Variants in ZNF407 observed in about 807,000 individuals in gnomAD.
The protein encoded by ZNF407 is zinc finger protein 407.
ZNF407 carries 17 observed loss-of-function variants against 131.2 expected under a neutral mutation model. That is an observed-to-expected ratio of 0.13 (90% CI 0.09 to 0.19). ZNF407 has a LOEUF of 0.19. Ranked by LOEUF, ZNF407 falls within the 10% of genes least tolerant of loss-of-function variation. The pLI is 1.00. For missense variants in ZNF407, 2,681 were observed against 2,830.6 expected (o/e 0.95, Z 1.20); for synonymous variants, 1,156 against 1,062.0 (o/e 1.09, Z -1.72).
Position 74,839,961 on chromosome 18 carries a change from T to C in ZNF407, c.4878-37236T>C, listed in dbSNP as rs1599188624. Among the ~76,000 whole-genome samples, 3 of 152,146 alleles carry C rather than the reference T, an allele frequency of 2.0e-5. No homozygotes were observed. The East Asian group carries it at 5.8e-4, about 29-fold the overall frequency. On this transcript the variant is annotated intron_variant, in intron 4 of 8. Transcript: ENST00000299687. ...GGAAGCAAGTGAAGAATTTCTTCTTTTTCAAATTGAGTTTTGTGGGGAAAT... is the reference window on the plus strand; with the variant it reads ...GGAAGCAAGTGAAGAATTTCTTCTTCTTCAAATTGAGTTTTGTGGGGAAAT...
chr18:74,626,752 A>G (rs1021760945), intron 1 of ZNF407, among the ~76,000 whole-genome samples: 12 of 152,230 alleles, frequency 7.9e-5, no homozygotes, highest in Admixed American at 3.3e-4. Context: ...GGCTGAGCCC[A>G]GGAGGCCAGA....
At chr18:75,034,852 CAT>C (rs1973289174) in intron 8 of ZNF407, among the ~76,000 whole-genome samples, 4 of 152,124 alleles carry the variant, frequency 2.6e-5, no homozygotes, top group Admixed American at 2.6e-4. Context: ...ACTAAGTTGA[CAT>C]GTGGGAGGTT....
At chr18:74,885,734 T>A (rs766444698) in intron 6 of ZNF407, among the ~76,000 whole-genome samples, 4 of 152,202 alleles carry the variant, frequency 2.6e-5, no homozygotes, top group Non-Finnish European at 4.4e-5. Context: ...CTTTTCAACA[T>A]TCTATGTTGG....
intron 3 of ZNF407, among the ~76,000 whole-genome samples, chr18:74,761,405 C>T (rs960621257): frequency 1.4e-4 from 22 of 151,882 alleles, no homozygotes; most frequent in Non-Finnish European, 2.8e-4. Flanking sequence ...CTTATATTAG[C>T]CCTTTTCTAT....
chr18:74,716,633 A>T (rs1967899855), intron 3 of ZNF407, among the ~76,000 whole-genome samples: 1 of 152,210 alleles, frequency 6.6e-6, no homozygotes, highest in South Asian at 2.1e-4. Flanking sequence ...TGAAACTGAA[A>T]ACCTGCTTGG....
intron 7 of ZNF407, among the ~76,000 whole-genome samples, chr18:74,892,051 A>G (rs940378756): frequency 6.6e-6 from 1 of 152,206 alleles, no homozygotes; most frequent in African/African-American, 2.4e-5. Context: ...AAAATTCCAC[A>G]AATAAAACAG....
At chr18:74,944,824 C>G (rs1315545174) in intron 8 of ZNF407, among the ~76,000 whole-genome samples, 1 of 152,268 alleles carries the variant, frequency 6.6e-6, no homozygotes, top group Non-Finnish European at 1.5e-5. Context: ...TCCAAAGAAG[C>G]AGTTTGAGTG....
chr18:75,044,325 T>A (rs1217827077), intron 8 of ZNF407, among the ~76,000 whole-genome samples: 1 of 152,062 alleles, frequency 6.6e-6, no homozygotes, highest in Non-Finnish European at 1.5e-5. Context: ...TTGGGTTTTT[T>A]TTCTTTCTTT....
intron 1 of ZNF407, among the ~76,000 whole-genome samples, chr18:74,623,146 ATG>A (rs1179372015): frequency 5.3e-4 from 31 of 58,128 alleles, no homozygotes; most frequent in Admixed American, 1.5e-3. Context: ...GTCCGTGTGA[ATG>A]TGTGAGTGCG....
intron 3 of ZNF407, among the ~76,000 whole-genome samples, chr18:74,695,091 A>G (rs1354936602): frequency 6.6e-6 from 1 of 152,182 alleles, no homozygotes; most frequent in East Asian, 1.9e-4. Flanking sequence ...GGTTTTTATA[A>G]GAAGTTACAG....
chr18:74,709,193 A>G (rs576046874), intron 3 of ZNF407, among the ~76,000 whole-genome samples: 1 of 152,318 alleles, frequency 6.6e-6, no homozygotes, highest in South Asian at 2.1e-4. Context: ...AATAAATTGA[A>G]TCTTTAAAAA....
intron 7 of ZNF407, among the ~76,000 whole-genome samples, chr18:74,899,997 G>A (rs962590014): frequency 6.6e-6 from 1 of 152,218 alleles, no homozygotes; most frequent in South Asian, 2.1e-4. Flanking sequence ...CAGGTAGACG[G>A]ATGCGTGCTG....
chr18:75,058,407 T>C (rs895606028), intron 8 of ZNF407, among the ~76,000 whole-genome samples: 2 of 152,172 alleles, frequency 1.3e-5, no homozygotes, highest in Non-Finnish European at 2.9e-5. Flanking sequence ...GAGGACTTTG[T>C]AGATGGGCAC....
chr18:74,857,920 T>C (rs1338932294), intron 4 of ZNF407, among the ~76,000 whole-genome samples: 3 of 80,656 alleles, frequency 3.7e-5, no homozygotes, highest in Non-Finnish European at 6.8e-5. Flanking sequence ...TCACCTCCCC[T>C]CCTCTCCCCT....
rs1237119139 is a variant in ZNF407 at position 74,633,556 on chromosome 18, G to A, written c.2537G>A (p.Gly846Asp). The change falls in exon 2 of 9, where the codon GGT (glycine) becomes GAT (aspartate). Residue 846 changes from glycine (G) to aspartate (D), a missense_variant. By Grantham distance (94) the Gly-to-Asp change is moderately conservative (BLOSUM62 -1). This residue lies in a region of ZNF407 where 1,789 missense variants were observed against 1,748.7 expected (regional missense o/e 1.02). Coordinates refer to ENST00000299687, the MANE Select transcript of ZNF407 (RefSeq NM_017757.3). Reference sequence around the variant, plus strand: ...ACTCCAAAGAGAGGGAGACCTAAAGGTAACATCTCACGGACGTGTTCACAC... The same window carrying A: ...ACTCCAAAGAGAGGGAGACCTAAAGATAACATCTCACGGACGTGTTCACAC... ...TTTPKRGRPKGNISRTCSHCG... is the reference protein window; with the variant it reads ...TTTPKRGRPKDNISRTCSHCG... 8.1e-6 allele frequency: 13 copies of A among 1,613,980 alleles called. No homozygotes were observed. The highest frequency in any genetic ancestry group is 1.1e-5 in the Non-Finnish European group (13 of 1,179,894).
intron 8 of ZNF407, among the ~76,000 whole-genome samples, chr18:74,931,691 C>G (rs888621720): frequency 1.3e-5 from 2 of 151,992 alleles, no homozygotes; most frequent in South Asian, 4.1e-4. Context: ...TTCAAACTGT[C>G]TGTGCATAGT....
chr18:74,942,243 G>A lies in ZNF407; in HGVS notation c.5428+21551G>A, dbSNP rs140605001. 9.8e-4 allele frequency among the ~76,000 whole-genome samples: 150 copies of A among 152,332 alleles called. 1 individual carries two copies. The highest frequency in any genetic ancestry group is 3.4e-3 in the African/African-American group (141 of 41,560). ...AAAGTGGCTTTTGAAGCTGTGAAGT[G>A]CGCTGCAGTCTCACAGGTGCTCGTT... On this transcript the variant is annotated intron_variant, in intron 8 of 8. Transcript: ENST00000299687.
intron 3 of ZNF407, among the ~76,000 whole-genome samples, chr18:74,668,910 T>C (rs921592955): frequency 1.3e-5 from 2 of 152,122 alleles, no homozygotes; most frequent in African/African-American, 4.8e-5. Context: ...GGATATATCA[T>C]TAAAAAAAAC....
At chr18:74,902,300 C>T (rs778326653) in intron 7 of ZNF407, among the ~76,000 whole-genome samples, 1 of 152,202 alleles carries the variant, frequency 6.6e-6, no homozygotes, top group Non-Finnish European at 1.5e-5. Context: ...TTACAACCTG[C>T]GCACAGCAGT....
Sources: gnomAD v4.1 joint callset for allele counts (sites outside exome capture counted in the v4.1 genomes callset) on GRCh38, gnomAD v4.1.1 for gene constraint, gnomAD v4.1.1 regional missense constraint, MANE v1.5 for transcripts, NCBI Gene and HGNC (gene_info 2026-07-23, HGNC 2026-07-21) for gene names.